Variants in RORB observed in about 807,000 individuals in gnomAD.
RORB encodes nuclear receptor ROR-beta.
In RORB, 6 loss-of-function variants were observed where a neutral mutation model predicts 59.1. The observed-to-expected ratio is 0.10, with a 90% CI of 0.06 to 0.20. The LOEUF is 0.20. Among genes scored for constraint, RORB ranks in the 10% least tolerant of loss-of-function variants. The pLI is 1.00. For missense variants in RORB, 320 were observed against 560.5 expected, an observed-to-expected ratio of 0.57 and a Z score of 4.33; for synonymous variants, 215 against 204.5, an observed-to-expected ratio of 1.05 and a Z score of -0.44.
chr9:74,521,524 C>T (rs1217246540), intron 1 of RORB, among the ~76,000 whole-genome samples: 1 of 151,778 alleles, frequency 6.6e-6, no homozygotes, highest in Non-Finnish European at 1.5e-5. Context: ...TAAAATAAGT[C>T]TTCACAGTTA....
intron 1 of RORB, among the ~76,000 whole-genome samples, chr9:74,510,055 T>C (rs975604091): frequency 1.3e-5 from 2 of 152,178 alleles, no homozygotes; most frequent in East Asian, 1.9e-4. Context: ...GTTATTAGTC[T>C]ACTGTTAGTG....
chr9:74,643,564 A>C (rs1183300656), intron 4 of RORB, among the ~76,000 whole-genome samples: 2 of 152,250 alleles, frequency 1.3e-5, no homozygotes, highest in Non-Finnish European at 2.9e-5. Flanking sequence ...GGAGTCTATT[A>C]AATGTTTAAC....
intron 1 of RORB, among the ~76,000 whole-genome samples, chr9:74,604,676 C>T (rs1362214326): frequency 2.0e-5 from 3 of 152,110 alleles, no homozygotes; most frequent in South Asian, 4.1e-4. Flanking sequence ...ATTATTTCTA[C>T]TTGGCAATTT....
chr9:74,660,884 C>T, intron 5 of RORB, 146 bp downstream of exon 5: 1 of 753,464 alleles, frequency 1.3e-6, no homozygotes, highest in Non-Finnish European at 2.1e-6. Flanking sequence ...GCATCCCTGG[C>T]CCTACCCACT....
intron 9 of RORB, among the ~76,000 whole-genome samples, chr9:74,678,861 A>G (rs1407586534): frequency 6.6e-6 from 1 of 151,972 alleles, no homozygotes; most frequent in Non-Finnish European, 1.5e-5. Flanking sequence ...GTGAAACCCC[A>G]TCTTTATCAA....
intron 9 of RORB, among the ~76,000 whole-genome samples, chr9:74,677,182 A>G (rs1054281503): frequency 6.6e-6 from 1 of 152,188 alleles, no homozygotes; most frequent in Non-Finnish European, 1.5e-5. Flanking sequence ...CGGATGATCA[A>G]GTGTAAAAAG....
chr9:74,569,189 G>A (rs527304787), intron 1 of RORB, among the ~76,000 whole-genome samples: 2 of 151,954 alleles, frequency 1.3e-5, no homozygotes, highest in African/African-American at 4.8e-5. Context: ...TGTTATGCAA[G>A]TCCAAATTGG....
chr9:74,665,684 T>A, intron 7 of RORB, 89 bp downstream of exon 7: 1 of 827,644 alleles, frequency 1.2e-6, no homozygotes, highest in Non-Finnish European at 2.1e-6. Flanking sequence ...ATGCCTTGAT[T>A]CTTTGATGTG....
intron 4 of RORB, among the ~76,000 whole-genome samples, chr9:74,658,096 C>T (rs2118504392): frequency 6.6e-6 from 1 of 151,074 alleles, no homozygotes; most frequent in East Asian, 2.0e-4. Flanking sequence ...AGGGTACCTT[C>T]TCAAAAATAT....
intron 1 of RORB, among the ~76,000 whole-genome samples, chr9:74,610,084 C>T (rs767503700): frequency 6.6e-5 from 10 of 152,236 alleles, no homozygotes; most frequent in Non-Finnish European, 1.3e-4. Flanking sequence ...CAGCGTCTCA[C>T]ATTACTGATG....
At chr9:74,618,140 C>T (rs949789508) in intron 1 of RORB, among the ~76,000 whole-genome samples, 2 of 152,066 alleles carry the variant, frequency 1.3e-5, no homozygotes, top group African/African-American at 2.4e-5. Context: ...CGCACACACA[C>T]ACACGCACAC....
chr9:74,609,497 A>G (rs1196917017), intron 1 of RORB, among the ~76,000 whole-genome samples: 1 of 152,230 alleles, frequency 6.6e-6, no homozygotes, highest in Non-Finnish European at 1.5e-5. Context: ...ACATGAGTTC[A>G]ATGTAAAGAC....
At chr9:74,643,184 A>G (rs1823839910) in intron 4 of RORB, among the ~76,000 whole-genome samples, 1 of 152,194 alleles carries the variant, frequency 6.6e-6, no homozygotes, top group Non-Finnish European at 1.5e-5. Flanking sequence ...AAGGATATAG[A>G]AACAGTGTGG....
At chr9:74,520,245 CTAAA>C (rs1441070069) in intron 1 of RORB, among the ~76,000 whole-genome samples, 4 of 151,840 alleles carry the variant, frequency 2.6e-5, no homozygotes, top group Admixed American at 1.3e-4. Flanking sequence ...GGCACAAAAT[CTAAA>C]TAGTCATTCG....
At chr9:74,519,169 T>G (rs113251626) in intron 1 of RORB, among the ~76,000 whole-genome samples, 2 of 152,024 alleles carry the variant, frequency 1.3e-5, no homozygotes, top group African/African-American at 4.8e-5. Flanking sequence ...TGAAAGATAG[T>G]TCCATCCCCT....
intron 1 of RORB, among the ~76,000 whole-genome samples, chr9:74,605,779 A>C (rs2118338386): frequency 6.6e-6 from 1 of 152,342 alleles, no homozygotes; most frequent in Non-Finnish European, 1.5e-5. Context: ...TAAATGCTCA[A>C]ACAGACATGG....
At chr9:74,665,306 T>A (rs995370319) in intron 6 of RORB, among the ~76,000 whole-genome samples, 182 bp from the exon 7 acceptor site, 4 of 152,008 alleles carry the variant, frequency 2.6e-5, no homozygotes, top group African/African-American at 7.2e-5. Context: ...AACCTAATAG[T>A]TATTTTAGGG....
At chr9:74,599,496 G>A (rs970746864) in intron 1 of RORB, among the ~76,000 whole-genome samples, 4 of 152,128 alleles carry the variant, frequency 2.6e-5, no homozygotes, top group Non-Finnish European at 4.4e-5. Flanking sequence ...TGCTGTCCCG[G>A]AAGAGCACTC....
At chr9:74,566,178 C>T (rs1004923145) in intron 1 of RORB, among the ~76,000 whole-genome samples, 5 of 151,990 alleles carry the variant, frequency 3.3e-5, no homozygotes, top group Non-Finnish European at 7.4e-5. Context: ...AATCCAAGAC[C>T]AGGGAAATCC....
Sources: gnomAD v4.1 joint callset for allele counts (sites outside exome capture counted in the v4.1 genomes callset) on GRCh38, gnomAD v4.1.1 for gene constraint, MANE v1.5 for transcripts, NCBI Gene and HGNC (gene_info 2026-07-23, HGNC 2026-07-21) for gene names.